The following FCHSD2 variants were observed in gnomAD, a reference collection of about 807,000 sequenced individuals.
The protein encoded by FCHSD2 is FCH and double SH3 domains 2, also known as F-BAR and double SH3 domains protein 2.
FCHSD2 carries 38 observed loss-of-function variants against 108.1 expected under a neutral mutation model. That is an observed-to-expected ratio of 0.35 (90% CI 0.27 to 0.46). The LOEUF is 0.46. FCHSD2 is among the 20% of genes least tolerant of loss of function. FCHSD2 has a pLI of 1.00. For synonymous variants in FCHSD2, 279 were observed against 314.7 expected (o/e 0.89, Z 1.20); for missense variants, 751 against 897.8 (o/e 0.84, Z 2.09).
chr11:72,940,377 C>T, intron 8 of FCHSD2: 1 of 457,786 alleles, frequency 2.2e-6, no homozygotes, highest in Non-Finnish European at 3.9e-6. Flanking sequence ...ATGCAGTTAC[C>T]AAATATTGTT....
chr11:72,849,812 G>T lies in FCHSD2; in HGVS notation c.1386C>A (p.Ser462Arg). 3 of 1,611,970 alleles carry T rather than the reference G, an allele frequency of 1.9e-6. No individual in the cohort carries two copies. Among genetic ancestry groups the T allele is most frequent in the Non-Finnish European group, 1.7e-6 (2 of 1,178,092 alleles). The change falls in exon 14 of 20, where the codon AGC becomes AGA. Residue 462 changes from serine (S) to arginine (R), a missense_variant. Physicochemically the swap from Ser to Arg is moderately radical, Grantham distance 110. Coordinates refer to ENST00000409418, the MANE Select transcript of FCHSD2 (RefSeq NM_014824.3). Reference protein sequence around the residue: ...NMDVFDDSSSSPSGTLRNYPL... With the variant: ...NMDVFDDSSSRPSGTLRNYPL... ...GATAATTTCTTAAGGTGCCAGAAGG[G>T]CTGGAACTGCTGTCATCGAAAACAT...
chr11:73,002,681 A>C (rs1265184246), intron 4 of FCHSD2, among the ~76,000 whole-genome samples: 1 of 152,222 alleles, frequency 6.6e-6, no homozygotes, highest in Non-Finnish European at 1.5e-5. Context: ...TTCTTCTCTC[A>C]GTGTAACACC....
intron 8 of FCHSD2, among the ~76,000 whole-genome samples, chr11:72,949,220 C>T (rs1319294715): frequency 2.6e-5 from 4 of 151,844 alleles, no homozygotes; most frequent in African/African-American, 4.8e-5. Flanking sequence ...AGGCCCATGG[C>T]GGGCAGATCA....
intron 3 of FCHSD2, among the ~76,000 whole-genome samples, chr11:73,064,137 C>CA (rs1184076261): frequency 1.3e-5 from 2 of 152,180 alleles, no homozygotes; most frequent in African/African-American, 4.8e-5. Context: ...GACACTCACT[C>CA]AAAACCACAC....
At chr11:72,931,626 G>A (rs546017847) in intron 8 of FCHSD2, among the ~76,000 whole-genome samples, 82 of 151,742 alleles carry the variant, frequency 5.4e-4, no homozygotes, top group African/African-American at 1.9e-3. Flanking sequence ...TTAGCCGGGC[G>A]CAGTGGCAGG....
chr11:72,911,459 G>T (rs1265291591), intron 9 of FCHSD2, among the ~76,000 whole-genome samples: 2 of 152,104 alleles, frequency 1.3e-5, no homozygotes, highest in Admixed American at 6.5e-5. Flanking sequence ...GATAGCTTTG[G>T]TTATTCTGGG....
chr11:73,025,243 G>A (rs924404698), intron 3 of FCHSD2, among the ~76,000 whole-genome samples: 8 of 152,066 alleles, frequency 5.3e-5, no homozygotes, highest in African/African-American at 7.2e-5. Flanking sequence ...CAACCTAAAC[G>A]CCCATCAGTG....
chr11:72,895,186 T>C (rs1855392924), intron 10 of FCHSD2, among the ~76,000 whole-genome samples: 1 of 152,170 alleles, frequency 6.6e-6, no homozygotes, highest in South Asian at 2.1e-4. Context: ...GAGAGCACAC[T>C]GGAGAAGAAC....
Position 72,992,979 on chromosome 11 carries a change from G to C in FCHSD2, c.388-3882C>G, listed in dbSNP as rs569528182. 6.4e-4 allele frequency among the ~76,000 whole-genome samples: 97 copies of C among 152,238 alleles called. 1 individual carries two copies. Among genetic ancestry groups the C allele is most frequent in the Admixed American group, 4.7e-3 (72 of 15,280 alleles). ...CATCAGAGTGAACAGGCAACCTACAGAATGGGAGAACATTTTTGCAATCTA... is the reference window on the plus strand; with the variant it reads ...CATCAGAGTGAACAGGCAACCTACACAATGGGAGAACATTTTTGCAATCTA... On this transcript the variant is annotated intron_variant, in intron 5 of 19. Coordinates refer to ENST00000409418, the MANE Select transcript of FCHSD2 (RefSeq NM_014824.3).
chr11:73,015,841 A>C lies in FCHSD2; in HGVS notation c.210T>G (p.Pro70=). ...LASQYLKRDW[P]GVKADDRNDY... Reference sequence around the variant, plus strand: ...CATTCCGATCATCAGCTTTTACTCCAGGCCAATCTCTCTTCAGGTATTGAC... The same window carrying C: ...CATTCCGATCATCAGCTTTTACTCCCGGCCAATCTCTCTTCAGGTATTGAC... The change falls in exon 4 of 20, where the codon CCT becomes CCG. Residue 70 remains proline, a synonymous_variant. Coordinates refer to ENST00000409418, the MANE Select transcript of FCHSD2 (RefSeq NM_014824.3). 1 of 1,607,020 alleles carries C rather than the reference A, an allele frequency of 6.2e-7. No individual in the cohort carries two copies. The highest frequency in any genetic ancestry group is 1.7e-5 in the Admixed American group (1 of 59,350).
intron 3 of FCHSD2, among the ~76,000 whole-genome samples, chr11:73,041,222 T>G (rs1158267859): frequency 1.3e-5 from 2 of 152,214 alleles, no homozygotes. Flanking sequence ...ATATACTGAT[T>G]TCCTTTCTTT....
intron 3 of FCHSD2, among the ~76,000 whole-genome samples, chr11:73,057,282 T>C (rs1859048597): frequency 6.6e-6 from 1 of 151,914 alleles, no homozygotes. Flanking sequence ...AGTACACAGG[T>C]TCGAAGCATG....
chr11:72,919,519 A>C (rs921195555), intron 9 of FCHSD2, among the ~76,000 whole-genome samples: 1 of 152,234 alleles, frequency 6.6e-6, no homozygotes, highest in Non-Finnish European at 1.5e-5. Context: ...AGGCCAAGCC[A>C]CATAAACTTC....
chr11:72,910,631 TC>T (rs1450432005), intron 9 of FCHSD2, among the ~76,000 whole-genome samples: 1 of 152,104 alleles, frequency 6.6e-6, no homozygotes, highest in Non-Finnish European at 1.5e-5. Context: ...GGCAGCATGC[TC>T]GTTAAGAGTC....
chr11:73,119,218 C>T (rs532688795), intron 2 of FCHSD2, among the ~76,000 whole-genome samples: 7 of 151,210 alleles, frequency 4.6e-5, no homozygotes, highest in African/African-American at 1.5e-4. Flanking sequence ...GGGAAGATTG[C>T]TTTGAGTCTG....
chr11:72,872,631 T>C (rs1018693156), intron 12 of FCHSD2, among the ~76,000 whole-genome samples: 1 of 152,266 alleles, frequency 6.6e-6, no homozygotes, highest in Admixed American at 6.5e-5. Context: ...GTATTTCATT[T>C]TTTTAATGGC....
chr11:72,928,364 C>A (rs913168891), intron 8 of FCHSD2, among the ~76,000 whole-genome samples: 11 of 152,150 alleles, frequency 7.2e-5, no homozygotes, highest in African/African-American at 2.7e-4. Context: ...CTCATTAGCA[C>A]CATCTCTCAT....
At chr11:73,054,346 A>G (rs1430169228) in intron 3 of FCHSD2, among the ~76,000 whole-genome samples, 6 of 152,096 alleles carry the variant, frequency 3.9e-5, no homozygotes, top group African/African-American at 1.4e-4. Flanking sequence ...GACCCTTAAA[A>G]CGATTAAACA....
rs1479848074 is a variant in FCHSD2 at position 72,841,506 on chromosome 11, G to C, written c.2004C>G (p.Pro668=). 1 of 1,611,362 alleles carries C rather than the reference G, an allele frequency of 6.2e-7. No homozygotes were observed. Among genetic ancestry groups the C allele is most frequent in the Non-Finnish European group, 8.5e-7 (1 of 1,178,902 alleles). The part of the protein sequence containing the change: ...LYDQPPSSPY[P]SPDKRSSLYF... Reference sequence around the variant, plus strand: ...ACAGGGAGCTCCTCTTATCTGGGCTGGGGTAGGGGCTGCTGGGAGGCTGGT... The same window carrying C: ...ACAGGGAGCTCCTCTTATCTGGGCTCGGGTAGGGGCTGCTGGGAGGCTGGT... The change falls in exon 18 of 20, where the codon CCC becomes CCG. Residue 668 remains proline, a synonymous_variant. Transcript: ENST00000409418.
Sources: gnomAD v4.1 joint callset for allele counts (sites outside exome capture counted in the v4.1 genomes callset) on GRCh38, gnomAD v4.1.1 for gene constraint, MANE v1.5 for transcripts, NCBI Gene and HGNC (gene_info 2026-07-23, HGNC 2026-07-21) for gene names.